Variants in ASAH2 observed in about 807,000 individuals in gnomAD.
ASAH2 encodes neutral ceramidase.
In ASAH2, 58 loss-of-function variants were observed where a neutral mutation model predicts 82.9. The ratio of observed to expected loss-of-function variants is 0.70; its 90% confidence interval spans 0.57 to 0.87. ASAH2 has a LOEUF of 0.87. Ranked by LOEUF, ASAH2 falls within the 40% of genes least tolerant of loss-of-function variation. The probability of loss-of-function intolerance (pLI) is 0.00; values close to 1 mark genes in which losing one functional copy is unlikely to be tolerated. For missense variants in ASAH2, 779 were observed against 834.0 expected, an observed-to-expected ratio of 0.93 and a Z score of 0.81; for synonymous variants, 276 against 289.7, an observed-to-expected ratio of 0.95 and a Z score of 0.48.
rs565580889 is a variant in ASAH2, at chr10:50,215,887, A to C, written c.1015-1019T>G. Among the ~76,000 whole-genome samples the C allele has an allele frequency of 5.9e-5, 9 of 152,296 alleles. No homozygotes were observed. In the East Asian group the frequency reaches 1.7e-3, roughly 29 times the overall value. On this transcript the variant is annotated intron_variant, in intron 8 of 20. Transcript: ENST00000682911. ...GTATGTTTATTGCAGCACTATTCAC[A>C]ATAGCAAAGACCTGGAACCAACTCA...
Position 50,248,563 on chromosome 10 carries a change from G to T in ASAH2, c.48C>A (p.Leu16=). 2 of 1,613,704 alleles carry T rather than the reference G, an allele frequency of 1.2e-6. No homozygotes were observed. The highest frequency in any genetic ancestry group is 1.7e-6 in the Non-Finnish European group (2 of 1,179,642). The change falls in exon 2 of 21, where the codon CTC becomes CTA. Residue 16 remains leucine (L), a synonymous_variant. Coordinates refer to ENST00000682911, the MANE Select transcript of ASAH2 (RefSeq NM_019893.4). ...FSNLETFLIF[L]LVMMSAITVA... The stretch of plus-strand genomic sequence containing the variant: ...CTGTGATGGCACTCATCATTACAAG[G>T]AGGAAAATCAGGAATGTCTCCAAGT...
intron 2 of ASAH2, 85 bp from the exon 3 acceptor site, chr10:50,245,539 G>A: frequency 8.3e-7 from 1 of 1,205,538 alleles, no homozygotes; most frequent in South Asian, 1.5e-5. Context: ...ATAGGCTCAG[G>A]TTCATAAGGA....
At chr10:50,202,776 A>G in intron 16 of ASAH2, 53 bp downstream of exon 16, 4 of 1,204,838 alleles carry the variant, frequency 3.3e-6, no homozygotes, top group Non-Finnish European at 5.0e-6. Flanking sequence ...ATTTGACACA[A>G]TAGTCTTTAC....
At chr10:50,200,372 G>A (rs1489992707) in intron 16 of ASAH2, among the ~76,000 whole-genome samples, 8 of 150,754 alleles carry the variant, frequency 5.3e-5, no homozygotes, top group Middle Eastern at 3.4e-3. Context: ...ATCACCCTCC[G>A]CATACTTACT....
At chr10:50,242,781 A>C (rs976095506) in intron 4 of ASAH2, among the ~76,000 whole-genome samples, 1 of 152,178 alleles carries the variant, frequency 6.6e-6, no homozygotes, top group Non-Finnish European at 1.5e-5. Context: ...CCTCATTTCA[A>C]TGTTGCGTTT....
intron 7 of ASAH2, among the ~76,000 whole-genome samples, chr10:50,222,504 T>A (rs1427366803): frequency 6.6e-6 from 1 of 152,128 alleles, no homozygotes; most frequent in Non-Finnish European, 1.5e-5. Flanking sequence ...GATCTCCAAC[T>A]CCAGAGCTCA....
chr10:50,201,781 A>G (rs1306066272), intron 16 of ASAH2, among the ~76,000 whole-genome samples: 1 of 152,140 alleles, frequency 6.6e-6, no homozygotes, highest in African/African-American at 2.4e-5. Flanking sequence ...TAATAAACCA[A>G]TGTTGTGATA....
intron 1 of ASAH2, among the ~76,000 whole-genome samples, chr10:50,249,401 TC>T (rs1185316953): frequency 6.6e-6 from 1 of 152,166 alleles, no homozygotes; most frequent in Non-Finnish European, 1.5e-5. Context: ...GGAGAATTAA[TC>T]ATTACTCAGA....
chr10:50,228,514 T>C (rs890738030), intron 7 of ASAH2, among the ~76,000 whole-genome samples: 2 of 152,298 alleles, frequency 1.3e-5, no homozygotes, highest in Non-Finnish European at 2.9e-5. Flanking sequence ...TCATAGATGA[T>C]AGAGAAGATT....
chr10:50,233,279 A>C lies in ASAH2; in HGVS notation c.816-18T>G. ...AAGAATACCTAGTCAGTAAAACAGA[A>C]AAGCACAGTCAGTTCTGTGTTAGAG... On this transcript the variant is annotated intron_variant, in intron 6 of 20. Transcript: ENST00000682911. 6.4e-7 allele frequency: 1 copy of C among 1,566,322 alleles called. No homozygotes were observed. The highest frequency in any genetic ancestry group is 8.8e-7 in the Non-Finnish European group (1 of 1,136,712).
At chr10:50,224,598 T>C (rs1194143424) in intron 7 of ASAH2, among the ~76,000 whole-genome samples, 1 of 151,932 alleles carries the variant, frequency 6.6e-6, no homozygotes, top group Non-Finnish European at 1.5e-5. Flanking sequence ...AGGTGGGGCG[T>C]GTGAATACCT....
At chr10:50,216,519 T>A (rs1845606379) in intron 8 of ASAH2, among the ~76,000 whole-genome samples, 1 of 152,206 alleles carries the variant, frequency 6.6e-6, no homozygotes, top group Non-Finnish European at 1.5e-5. Flanking sequence ...GTCAATCTAG[T>A]CTATTGTGTT....
At chr10:50,214,597 A>T (rs1436073996) in intron 9 of ASAH2, 146 bp downstream of exon 9, 7 of 961,094 alleles carry the variant, frequency 7.3e-6, no homozygotes, top group Middle Eastern at 2.5e-4. Flanking sequence ...GGGTTTGGAC[A>T]GGTGCTTTTG....
intron 12 of ASAH2, among the ~76,000 whole-genome samples, chr10:50,208,708 A>G (rs923198541): frequency 1.3e-5 from 2 of 152,198 alleles, no homozygotes; most frequent in African/African-American, 2.4e-5. Context: ...ATCAGATTAC[A>G]TAATATTGTT....
At chr10:50,188,852 T>C (rs2133190773) in intron 20 of ASAH2, among the ~76,000 whole-genome samples, 2 of 128,714 alleles carry the variant, frequency 1.6e-5, no homozygotes, top group East Asian at 2.3e-4. Flanking sequence ...GCCACTGTCA[T>C]GGAATGTTAA....
At chr10:50,230,017 G>T (rs937764236) in intron 7 of ASAH2, among the ~76,000 whole-genome samples, 110 of 152,190 alleles carry the variant, frequency 7.2e-4, no homozygotes, top group African/African-American at 2.6e-3. Context: ...AATAATCTCT[G>T]TGTGGAGAGA....
chr10:50,219,964 G>T (rs1473604402), intron 7 of ASAH2, among the ~76,000 whole-genome samples: 1 of 152,166 alleles, frequency 6.6e-6, no homozygotes, highest in Non-Finnish European at 1.5e-5. Flanking sequence ...TTCAAAAGGG[G>T]CCACAAATCC....
intron 12 of ASAH2, 144 bp from the exon 13 acceptor site, chr10:50,206,241 A>G: frequency 2.8e-6 from 2 of 708,314 alleles, no homozygotes; most frequent in South Asian, 1.7e-5. Flanking sequence ...AAACAGTTTG[A>G]GTAATAGAAT....
At chr10:50,224,854 G>C (rs1292133579) in intron 7 of ASAH2, among the ~76,000 whole-genome samples, 2 of 152,102 alleles carry the variant, frequency 1.3e-5, no homozygotes, top group Admixed American at 6.6e-5. Context: ...AGGATTATTG[G>C]GCCCAGACTT....
Sources: gnomAD v4.1 joint callset for allele counts (sites outside exome capture counted in the v4.1 genomes callset) on GRCh38, gnomAD v4.1.1 for gene constraint, MANE v1.5 for transcripts, NCBI Gene and HGNC (gene_info 2026-07-23, HGNC 2026-07-21) for gene names.